The following AGBL4 variants were observed in gnomAD, a reference collection of about 807,000 sequenced individuals.
AGBL4 encodes AGBL carboxypeptidase 4.
Under a neutral mutation model 66.4 loss-of-function variants are expected in AGBL4, and 58 were observed. The ratio of observed to expected loss-of-function variants is 0.87; its 90% CI spans 0.71 to 1.09. The LOEUF is 1.09. Among genes scored for constraint, AGBL4 ranks in the 50% least tolerant of loss-of-function variants. AGBL4 has a pLI of 0.00. For synonymous variants in AGBL4, 234 were observed against 222.9 expected, an observed-to-expected ratio of 1.05 and a Z score of -0.44; for missense variants, 579 against 631.0, an observed-to-expected ratio of 0.92 and a Z score of 0.88.
intron 6 of AGBL4, among the ~76,000 whole-genome samples, chr1:48,737,155 G>A (rs369038249): frequency 1.5e-4 from 23 of 152,184 alleles, no homozygotes; most frequent in East Asian, 5.8e-4. Context: ...GTGGTGGCAC[G>A]CACCTGTAGT....
intron 3 of AGBL4, among the ~76,000 whole-genome samples, chr1:49,325,185 G>A (rs564148597): frequency 1.3e-4 from 20 of 152,248 alleles, no homozygotes; most frequent in Non-Finnish European, 2.2e-4. Context: ...ACCACGCCCA[G>A]CTAATTTCTT....
At chr1:49,417,003 C>G (rs902694903) in intron 3 of AGBL4, among the ~76,000 whole-genome samples, 1 of 151,996 alleles carries the variant, frequency 6.6e-6, no homozygotes, top group East Asian at 1.9e-4. Flanking sequence ...GAGATTTAAC[C>G]TAATAGTATC....
At chr1:49,779,295 A>G (rs913185548) in intron 2 of AGBL4, among the ~76,000 whole-genome samples, 1 of 152,214 alleles carries the variant, frequency 6.6e-6, no homozygotes, top group African/African-American at 2.4e-5. Flanking sequence ...TACCATGAGC[A>G]AACTGAAAGT....
chr1:48,812,780 A>G (rs912245277), intron 6 of AGBL4, among the ~76,000 whole-genome samples: 1 of 152,192 alleles, frequency 6.6e-6, no homozygotes, highest in Non-Finnish European at 1.5e-5. Context: ...CTATGCAGCC[A>G]TAAAAAATGA....
chr1:49,742,581 C>A (rs1571458383), intron 2 of AGBL4, among the ~76,000 whole-genome samples: 1 of 151,900 alleles, frequency 6.6e-6, no homozygotes, highest in Non-Finnish European at 1.5e-5. Flanking sequence ...CAAAAAAGAG[C>A]CCGCATCGCC....
intron 3 of AGBL4, among the ~76,000 whole-genome samples, chr1:49,350,910 A>T (rs1367745836): frequency 6.6e-6 from 1 of 152,102 alleles, no homozygotes; most frequent in Non-Finnish European, 1.5e-5. Flanking sequence ...GTAAGGGTAA[A>T]TCCTTCTCCC....
intron 4 of AGBL4, among the ~76,000 whole-genome samples, chr1:49,192,292 T>A (rs772059658): frequency 2.0e-3 from 298 of 152,316 alleles, no homozygotes; most frequent in Middle Eastern, 3.4e-3. Flanking sequence ...TGTCAACATA[T>A]AAATTTATTT....
chr1:49,245,446 A>G (rs1357864352), intron 4 of AGBL4, among the ~76,000 whole-genome samples: 1 of 151,518 alleles, frequency 6.6e-6, no homozygotes, highest in Non-Finnish European at 1.5e-5. Context: ...AATAAAAGCC[A>G]AACAGGACAG....
intron 6 of AGBL4, among the ~76,000 whole-genome samples, chr1:48,701,264 G>A (rs1280369698): frequency 6.6e-6 from 1 of 152,076 alleles, no homozygotes; most frequent in Non-Finnish European, 1.5e-5. Context: ...TTCAGACCTG[G>A]GAAGAGGCAG....
chr1:48,603,464 G>A (rs895842569), intron 9 of AGBL4, among the ~76,000 whole-genome samples: 4 of 152,010 alleles, frequency 2.6e-5, no homozygotes, highest in African/African-American at 4.8e-5. Context: ...GCAAGACTCC[G>A]TTTCAAAATA....
intron 6 of AGBL4, among the ~76,000 whole-genome samples, chr1:48,822,610 C>T (rs1558019257): frequency 6.6e-6 from 1 of 152,182 alleles, no homozygotes; most frequent in Non-Finnish European, 1.5e-5. Context: ...TTTGTCAATA[C>T]CACACTGTCT....
At chr1:48,690,102 C>T (rs566217678) in intron 6 of AGBL4, among the ~76,000 whole-genome samples, 5 of 152,246 alleles carry the variant, frequency 3.3e-5, no homozygotes, top group African/African-American at 1.2e-4. Context: ...CGCCATGGAG[C>T]CCATCACATG....
chr1:49,101,165 T>C (rs1302164882), intron 4 of AGBL4, among the ~76,000 whole-genome samples: 1 of 152,060 alleles, frequency 6.6e-6, no homozygotes, highest in Admixed American at 6.6e-5. Context: ...GTGAAATGAA[T>C]GACTTCTAAG....
At chr1:48,801,081 T>A (rs1645795517) in intron 6 of AGBL4, among the ~76,000 whole-genome samples, 1 of 152,078 alleles carries the variant, frequency 6.6e-6, no homozygotes, top group South Asian at 2.1e-4. Flanking sequence ...ATCATACAGG[T>A]TTCCAGGGAA....
In AGBL4 at chr1:48,746,349, T is replaced by G. The variant is rs575623054; in HGVS notation, c.635-83108A>C. On this transcript the variant is annotated intron_variant, in intron 6 of 13. Coordinates refer to ENST00000371839, the MANE Select transcript of AGBL4 (RefSeq NM_032785.4). ...CTGTGAAACAGAGGCCCTGCTGTTC[T>G]GCTTTTGCCCCTAGTGCTTAGCACA... Among the ~76,000 whole-genome samples the G allele has an allele frequency of 5.9e-5, 9 of 152,292 alleles. 1 individual carries two copies. The South Asian group carries it at 1.9e-3, about 32-fold the overall frequency.
chr1:48,827,394 T>G (rs1646449159), intron 6 of AGBL4, among the ~76,000 whole-genome samples: 1 of 152,200 alleles, frequency 6.6e-6, no homozygotes, highest in Admixed American at 6.5e-5. Context: ...TCCTGGCCTC[T>G]CCCTAGCTTC....
intron 4 of AGBL4, among the ~76,000 whole-genome samples, chr1:49,233,171 C>A (rs997075095): frequency 6.6e-6 from 1 of 152,180 alleles, no homozygotes; most frequent in African/African-American, 2.4e-5. Context: ...TCTGATCATA[C>A]TTTGACTTCA....
intron 3 of AGBL4, among the ~76,000 whole-genome samples, chr1:49,544,424 A>G (rs1013535655): frequency 2.0e-5 from 3 of 152,194 alleles, no homozygotes; most frequent in South Asian, 2.1e-4. Flanking sequence ...GGACTTTTGT[A>G]TATTCTTCTG....
At chr1:49,059,468 G>A (rs7555968) in intron 4 of AGBL4, among the ~76,000 whole-genome samples, 6,650 of 152,324 alleles carry the variant, frequency 0.044, 183 homozygotes, top group East Asian at 0.075. Context: ...GAGCCCTCAC[G>A]GAGAAACTCT....
Sources: allele counts gnomAD v4.1 joint callset (sites outside exome capture counted in the v4.1 genomes callset), GRCh38; gene constraint gnomAD v4.1.1; transcripts MANE v1.5; gene names NCBI Gene and HGNC (gene_info 2026-07-23, HGNC 2026-07-21).